FKBP4: variants seen among roughly 807,000 people sequenced by gnomAD.
FKBP4 encodes the protein FKBP prolyl isomerase 4.
Under a neutral mutation model 54.1 loss-of-function variants are expected in FKBP4, and 28 were observed. The observed-to-expected ratio is 0.52, with a 90% CI of 0.38 to 0.71. The LOEUF (loss-of-function observed/expected upper bound fraction) is 0.71. FKBP4 is among the 30% of genes least tolerant of loss of function. The pLI, the probability that FKBP4 is intolerant of heterozygous loss-of-function variation, is 0.00. For synonymous variants in FKBP4, 223 were observed against 216.1 expected, an observed-to-expected ratio of 1.03 and a Z score of -0.28; for missense variants, 493 against 574.4, an observed-to-expected ratio of 0.86 and a Z score of 1.45.
chr12:2,805,076 C>G lies in FKBP4; in HGVS notation c.*1818C>G, dbSNP rs1410568956. 1 of 434,638 alleles carries G rather than the reference C, an allele frequency of 2.3e-6. No individual in the cohort carries two copies. The highest frequency in any genetic ancestry group is 2.0e-5 in the African/African-American group (1 of 49,152). 26.9% of individuals were successfully genotyped at this position (434,638 alleles called of 1,614,324 possible). Reference sequence around the variant, plus strand: ...CTAACTCAAGCATTTATGGAGTAAGCCTAGCACTGTACTGACAGCATCACA... The same window carrying G: ...CTAACTCAAGCATTTATGGAGTAAGGCTAGCACTGTACTGACAGCATCACA... On this transcript the variant is annotated 3_prime_UTR_variant, in exon 10 of 10. Transcript: ENST00000001008.
rs142464168 is a variant in FKBP4 at position 2,798,766 on chromosome 12, C to T, written c.454C>T (p.Arg152Cys). The T allele has an allele frequency of 8.7e-6, 14 of 1,613,940 alleles. No homozygotes were observed. Among genetic ancestry groups the T allele is most frequent in the African/African-American group, 4.0e-5 (3 of 75,028 alleles). ...GGAAGAGGAAGATGGCGGAATCATT[C>T]GCAGAATACAGACTCGCGGTGAAGG... ...LTEEEDGGII[R>C]RIQTRGEGYA... The change falls in exon 4 of 10, where the codon CGC becomes TGC. Residue 152 changes from arginine (R) to cysteine (C), a missense_variant. Coordinates refer to ENST00000001008, the MANE Select transcript of FKBP4 (RefSeq NM_002014.4). The surrounding 1 kb of genome is among the most constrained non-coding windows in gnomAD (Gnocchi z 4.3).
intron 8 of FKBP4, 131 bp from the exon 9 acceptor site, chr12:2,800,986 C>T (rs549423119): frequency 2.4e-6 from 3 of 1,236,328 alleles, no homozygotes; most frequent in African/African-American, 1.5e-5. Flanking sequence ...AGGCCTTGTT[C>T]TTCCTGGGGT....
At chr12:2,797,343 G>T (rs2097902424) in intron 2 of FKBP4, 61 bp downstream of exon 2, 5 of 1,595,658 alleles carry the variant, frequency 3.1e-6, no homozygotes, top group Non-Finnish European at 4.3e-6. Flanking sequence ...GTCACAAGCA[G>T]AAACCATTTT....
Position 2,797,835 on chromosome 12 carries a change from TC to T in FKBP4, c.359del (p.Pro120GlnfsTer23). 1 of 1,614,042 alleles carries T rather than the reference TC, an allele frequency of 6.2e-7. No individual in the cohort carries two copies. Among genetic ancestry groups the T allele is most frequent in the Non-Finnish European group, 8.5e-7 (1 of 1,179,942 alleles). ...EYAYGSAGSP[P>X]KIPPNATLVF... ...ATGCCTACGGTTCAGCAGGCAGTCCTCCAAAGATTCCCCCCAATGCCACGCT... is the reference window on the plus strand; with the variant it reads ...ATGCCTACGGTTCAGCAGGCAGTCCTCAAAGATTCCCCCCAATGCCACGCT... On this transcript the variant is annotated frameshift_variant, in exon 3 of 10. Transcript: ENST00000001008. LOFTEE classifies it high-confidence loss of function.
At position 2,801,160 on chromosome 12, in the gene FKBP4, G is replaced by A. The variant is rs1298156460; in HGVS notation, c.1076G>A (p.Arg359Gln). ...DSNNEKGLFR[R>Q]GEAHLAVNDF... is the part of the protein sequence containing the mutation. Reference sequence around the variant, plus strand: ...AACAACGAGAAGGGCCTCTTCCGCCGGGGAGAGGCCCACCTGGCCGTGAAT... The same window carrying A: ...AACAACGAGAAGGGCCTCTTCCGCCAGGGAGAGGCCCACCTGGCCGTGAAT... Residue 359 changes from arginine to glutamine, a missense_variant, in exon 9 of 10, where the codon CGG (arginine) becomes CAG (glutamine). Physicochemically the swap from Arg to Gln is conservative, Grantham distance 43. Transcript: ENST00000001008. 10 of 1,613,734 alleles carry A rather than the reference G, an allele frequency of 6.2e-6. No individual in the cohort carries two copies. Among genetic ancestry groups the A allele is most frequent in the Admixed American group, 1.7e-5 (1 of 60,018 alleles).
chr12:2,798,638 G>A lies in FKBP4; in HGVS notation c.394-68G>A. The A allele has an allele frequency of 6.2e-7, 1 of 1,607,876 alleles. No individual in the cohort carries two copies. The highest frequency in any genetic ancestry group is 8.5e-7 in the Non-Finnish European group (1 of 1,177,014). The stretch of plus-strand genomic sequence containing the variant: ...GCAGTTAGTAGGGACTCTCTCGGAT[G>A]AGAAAGATTGTGTTTCACTGCCCAT... On this transcript the variant is annotated intron_variant, in intron 3 of 9. Transcript: ENST00000001008. This position sits in a 1 kb window ranked among gnomAD's most constrained non-coding sequence, Gnocchi z 4.3.
At position 2,796,022 on chromosome 12, in the gene FKBP4, C is replaced by G. The variant is rs890119467; in HGVS notation, c.105+778C>G. 8 of 1,158,500 alleles carry G rather than the reference C, an allele frequency of 6.9e-6. No homozygotes were observed. The Admixed American group carries it at 2.1e-4, about 31-fold the overall frequency. 71.8% of individuals were successfully genotyped at this position (1,158,500 alleles called of 1,614,324 possible). A position where few individuals can be genotyped will look rare whatever the true frequency, so the allele number is the denominator to read the frequency against. ...TGGAGCCTGCCGCCGAGTGACCGCTCGACTACAAATAGCCTGGGGAGCTGC... is the reference window on the plus strand; with the variant it reads ...TGGAGCCTGCCGCCGAGTGACCGCTGGACTACAAATAGCCTGGGGAGCTGC... On this transcript the variant is annotated intron_variant, in intron 1 of 9. Transcript: ENST00000001008.
chr12:2,797,790 C>T lies in FKBP4; in HGVS notation c.312C>T (p.His104=), dbSNP rs1170620615. ...CCATGAAGGTGGGGGAGGTGTGCCA[C>T]ATCACCTGCAAACCAGAATATGCCT... ...IATMKVGEVC[H]ITCKPEYAYG... is the part of the protein sequence containing the mutation. The change falls in exon 3 of 10, where the codon CAC becomes CAT. Residue 104 remains histidine (H), a synonymous_variant. Coordinates refer to ENST00000001008, the MANE Select transcript of FKBP4 (RefSeq NM_002014.4). The T allele has an allele frequency of 3.7e-6, 6 of 1,614,000 alleles. No homozygotes were observed. The highest frequency in any genetic ancestry group is 2.2e-5 in the East Asian group (1 of 44,870).
In FKBP4 at chr12:2,801,143, G is replaced by C. The variant is rs757116153; in HGVS notation, c.1059G>C (p.Glu353Asp). ...CCCTAGAACTGGACAGCAACAACGAGAAGGGCCTCTTCCGCCGGGGAGAGG... is the reference window on the plus strand; with the variant it reads ...CCCTAGAACTGGACAGCAACAACGACAAGGGCCTCTTCCGCCGGGGAGAGG... ...NKALELDSNN[E>D]KGLFRRGEAH... Residue 353 changes from glutamate (E) to aspartate (D), a missense_variant, in exon 9 of 10, where the codon GAG becomes GAC. Glu to Asp is a conservative substitution (Grantham distance 45, BLOSUM62 2). Coordinates refer to ENST00000001008, the MANE Select transcript of FKBP4 (RefSeq NM_002014.4). 6.2e-7 allele frequency: 1 copy of C among 1,613,910 alleles called. No homozygotes were observed. Among genetic ancestry groups the C allele is most frequent in the Non-Finnish European group, 8.5e-7 (1 of 1,179,896 alleles).
rs887507218 is a variant in FKBP4, at chr12:2,804,591, G to A, written c.*1333G>A. Reference sequence around the variant, plus strand: ...GCTGAGCTGCCTCCAGATAATCCTGGCTCCAGGCCAGAGCCCGTGTCTGCC... The same window carrying A: ...GCTGAGCTGCCTCCAGATAATCCTGACTCCAGGCCAGAGCCCGTGTCTGCC... On this transcript the variant is annotated 3_prime_UTR_variant, in exon 10 of 10. Coordinates refer to ENST00000001008, the MANE Select transcript of FKBP4 (RefSeq NM_002014.4). The A allele has an allele frequency of 1.3e-5, 2 of 152,402 alleles. No homozygotes were observed. Among genetic ancestry groups the A allele is most frequent in the African/African-American group, 4.8e-5 (2 of 41,460 alleles). The allele number at this position is 152,402 out of a possible 1,614,324, so 9.4% of individuals were successfully genotyped here. A position where few individuals can be genotyped will look rare whatever the true frequency, so the allele number is the denominator to read the frequency against.
chr12:2,801,040 C>T (rs903410451), intron 8 of FKBP4, 77 bp from the exon 9 acceptor site: 1 of 1,581,794 alleles, frequency 6.3e-7, no homozygotes, highest in Non-Finnish European at 8.6e-7. Context: ...TGAGGGGTAC[C>T]TTTGGAACCC....
At position 2,801,293 on chromosome 12, in the gene FKBP4, G is replaced by A. The variant is rs760680004; in HGVS notation, c.1209G>A (p.Gln403=). 1 of 1,614,022 alleles carries A rather than the reference G, an allele frequency of 6.2e-7. No homozygotes were observed. The highest frequency in any genetic ancestry group is 8.5e-7 in the Non-Finnish European group (1 of 1,180,044). The part of the protein sequence containing the change: ...LAVCQQRIRR[Q]LAREKKLYAN... ...TGTGCCAGCAGCGGATCCGAAGGCAGCTTGCCCGGGAGAAGAAGCTCTATG... is the reference window on the plus strand; with the variant it reads ...TGTGCCAGCAGCGGATCCGAAGGCAACTTGCCCGGGAGAAGAAGCTCTATG... The change falls in exon 9 of 10, where the codon CAG becomes CAA. Residue 403 remains glutamine, a synonymous_variant. Transcript: ENST00000001008.
intron 9 of FKBP4, 124 bp downstream of exon 9, chr12:2,801,480 G>T (rs1393042050): frequency 1.0e-5 from 14 of 1,334,060 alleles, no homozygotes; most frequent in Non-Finnish European, 1.5e-5. Context: ...TTTCCCTGGA[G>T]CATTAAGGAG....
chr12:2,798,927 C>G lies in FKBP4; in HGVS notation c.514+101C>G, dbSNP rs1384360865. 6.9e-7 allele frequency: 1 copy of G among 1,453,244 alleles called. No homozygotes were observed. Among genetic ancestry groups the G allele is most frequent in the Non-Finnish European group, 9.5e-7 (1 of 1,052,594 alleles). The allele number at this position is 1,453,244 out of a possible 1,614,324, so 90.0% of individuals were successfully genotyped here. ...CGTTCTCCGAGCCTATCTTCTTGTC[C>G]ATAAAATGAGGGGTTGGACCATATT... On this transcript the variant is annotated intron_variant, in intron 4 of 9. Coordinates refer to ENST00000001008, the MANE Select transcript of FKBP4 (RefSeq NM_002014.4). The surrounding 1 kb of genome is among the most constrained non-coding windows in gnomAD (Gnocchi z 4.3).
In FKBP4 at chr12:2,801,349, A is replaced by G; in HGVS notation, c.1265A>G (p.Glu422Gly). The part of the protein sequence containing the change: ...ANMFERLAEE[E>G]NKAKAEASSG... ...ATGTTTGAGAGGCTGGCTGAGGAGG[A>G]GAACAAGGTGAGGATTGGGGTGGGG... The change falls in exon 9 of 10, where the codon GAG becomes GGG. Residue 422 changes from glutamate (E) to glycine (G), a missense_variant. Transcript: ENST00000001008. 6.2e-7 allele frequency: 1 copy of G among 1,614,130 alleles called. No individual in the cohort carries two copies. The highest frequency in any genetic ancestry group is 8.5e-7 in the Non-Finnish European group (1 of 1,180,012).
Position 2,799,080 on chromosome 12 carries a change from C to G in FKBP4, c.515-8C>G, listed in dbSNP as rs774851464. ...CAACTCTGGTACACTGCCTCTCTTT[C>G]ATGCCAGTTGCACTGGAAGGGTACT... is the stretch of plus-strand genomic sequence containing the variant. On this transcript the variant is annotated splice_region_variant and splice_polypyrimidine_tract_variant and intron_variant, in intron 4 of 9. Transcript: ENST00000001008. The G allele has an allele frequency of 3.3e-6, 5 of 1,524,318 alleles. No individual in the cohort carries two copies. Among genetic ancestry groups the G allele is most frequent in the Non-Finnish European group, 4.4e-6 (5 of 1,136,484 alleles). The allele number at this position is 1,524,318 out of a possible 1,614,324, so 94.4% of individuals were successfully genotyped here. A position where few individuals can be genotyped will look rare whatever the true frequency, so the allele number is the denominator to read the frequency against.
Position 2,805,178 on chromosome 12 carries a change from C to T in FKBP4, c.*1920C>T, listed in dbSNP as rs767909925. 4 of 455,754 alleles carry T rather than the reference C, an allele frequency of 8.8e-6. No homozygotes were observed. Among genetic ancestry groups the T allele is most frequent in the Non-Finnish European group, 1.3e-5 (3 of 226,756 alleles). 28.2% of individuals were successfully genotyped at this position (455,754 alleles called of 1,614,324 possible). A position where few individuals can be genotyped will look rare whatever the true frequency, so the allele number is the denominator to read the frequency against. ...TAACCCTATTTACAGATAAGAAAAC[C>T]AAGACTCAGAAGTTAAATGGAAAGG... is the stretch of plus-strand genomic sequence containing the variant. On this transcript the variant is annotated 3_prime_UTR_variant, in exon 10 of 10. Coordinates refer to ENST00000001008, the MANE Select transcript of FKBP4 (RefSeq NM_002014.4).
chr12:2,803,353 A>G lies in FKBP4; in HGVS notation c.*95A>G. 1 of 836,404 alleles carries G rather than the reference A, an allele frequency of 1.2e-6. No individual in the cohort carries two copies. 51.8% of individuals were successfully genotyped at this position (836,404 alleles called of 1,614,324 possible). On this transcript the variant is annotated 3_prime_UTR_variant, in exon 10 of 10. Coordinates refer to ENST00000001008, the MANE Select transcript of FKBP4 (RefSeq NM_002014.4). Reference sequence around the variant, plus strand: ...GTAAAAACTGAAGAATTTTGAGTGAATTAGACCTTTATTTTTCTATCTGGT... The same window carrying G: ...GTAAAAACTGAAGAATTTTGAGTGAGTTAGACCTTTATTTTTCTATCTGGT...
rs1281779832 is a variant in FKBP4 at position 2,795,590 on chromosome 12, G to T, written c.105+346G>T. 3.4e-5 allele frequency: 5 copies of T among 146,556 alleles called. No individual in the cohort carries two copies. The highest frequency in any genetic ancestry group is 3.4e-4 in the Admixed American group (5 of 14,804). 9.1% of individuals were successfully genotyped at this position (146,556 alleles called of 1,614,324 possible). On this transcript the variant is annotated intron_variant, in intron 1 of 9. Transcript: ENST00000001008. The surrounding 1 kb of genome is among the most constrained non-coding windows in gnomAD (Gnocchi z 4.3). ...GGGCGGGGCGAGGCGACCGCCGCGG[G>T]CACCCGAGCCGCAGCCCGGGGCCAG...
Sources: allele counts gnomAD v4.1 joint callset, GRCh38; gene constraint gnomAD v4.1.1; non-coding constraint Gnocchi (gnomAD v3.1); transcripts MANE v1.5; gene names NCBI Gene and HGNC (gene_info 2026-07-23, HGNC 2026-07-21).